FRMPD4: variants seen among roughly 807,000 people sequenced by gnomAD.
FRMPD4 encodes the protein FERM and PDZ domain containing 4.
Under a neutral mutation model 94.1 loss-of-function variants are expected in FRMPD4, and 22 were observed. That is an observed-to-expected ratio of 0.23 (90% CI 0.17 to 0.33). FRMPD4 has a LOEUF of 0.33. FRMPD4 is among the 10% of genes least tolerant of loss of function. FRMPD4 has a pLI of 1.00. For missense variants in FRMPD4, 1,111 were observed against 1,339.9 expected (o/e 0.83, Z 2.67); for synonymous variants, 631 against 548.6 (o/e 1.15, Z -2.10).
At chrX:12,240,286 C>G (rs2057114415) in intron 1 of FRMPD4, among the ~76,000 whole-genome samples, 1 of 112,045 alleles carries the variant, frequency 8.9e-6, no homozygotes, top group Admixed American at 9.5e-5. Context: ...GCTTGAACTT[C>G]GTGGAACTCT....
intron 1 of FRMPD4, among the ~76,000 whole-genome samples, chrX:12,283,740 G>A (rs2054560298): frequency 9.0e-6 from 1 of 110,594 alleles, no homozygotes; most frequent in Admixed American, 9.6e-5. Context: ...CACACATAGA[G>A]CATTTGTGTG....
chrX:12,040,862 T>C (rs1201012395), intron 3 of FRMPD4, among the ~76,000 whole-genome samples: 1 of 111,261 alleles, frequency 9.0e-6, no homozygotes, highest in East Asian at 2.8e-4. Flanking sequence ...TCTGCATCTC[T>C]TTTTGTTGTT....
intron 3 of FRMPD4, among the ~76,000 whole-genome samples, chrX:11,969,710 G>A (rs983963029): frequency 9.0e-6 from 1 of 111,654 alleles, no homozygotes; most frequent in South Asian, 3.8e-4. Flanking sequence ...TTGGGATTAG[G>A]GAGGTACAGG....
Position 12,722,083 on chromosome X carries a change from G to A in FRMPD4, c.*225G>A, listed in dbSNP as rs1471061799. On this transcript the variant is annotated 3_prime_UTR_variant, in exon 17 of 17. Transcript: ENST00000675598. ...ACACGTAAAAGAAATATCCAAGAAA[G>A]TGATGACATTTGGCTATTTTTCATA... 1 of 112,565 alleles carries A rather than the reference G, an allele frequency of 8.9e-6. No individual in the cohort carries two copies. The highest frequency in any genetic ancestry group is 1.9e-5 in the Non-Finnish European group (1 of 54,046). The allele number at this position is 112,565 out of a possible 1,213,427, so 9.3% of individuals were successfully genotyped here.
chrX:12,107,535 C>A (rs1247414130), intron 3 of FRMPD4, among the ~76,000 whole-genome samples: 2 of 112,208 alleles, frequency 1.8e-5, no homozygotes, highest in African/African-American at 6.5e-5. Context: ...AGCAACGGAA[C>A]AAAGTTGGAT....
intron 2 of FRMPD4, among the ~76,000 whole-genome samples, chrX:11,874,119 G>A (rs774510757): frequency 9.3e-4 from 104 of 111,958 alleles, no homozygotes; most frequent in Non-Finnish European, 1.1e-3. Context: ...ACCTTTTTTT[G>A]TGTGTCATTA....
At chrX:12,251,418 G>A (rs913717857) in intron 1 of FRMPD4, among the ~76,000 whole-genome samples, 15 of 112,143 alleles carry the variant, frequency 1.3e-4, no homozygotes, top group South Asian at 3.7e-4. Context: ...CCCCCAGCCC[G>A]TACACACAAA....
intron 4 of FRMPD4, among the ~76,000 whole-genome samples, chrX:12,639,590 A>G (rs1009084476): frequency 1.8e-5 from 2 of 112,457 alleles, no homozygotes; most frequent in Non-Finnish European, 3.8e-5. Context: ...TGGACATCAA[A>G]GAAAGCCTAA....
chrX:11,881,564 A>T (rs1338004606), intron 3 of FRMPD4, among the ~76,000 whole-genome samples: 1 of 112,344 alleles, frequency 8.9e-6, no homozygotes, highest in Non-Finnish European at 1.9e-5. Context: ...TTACTGTACA[A>T]TTCCATTTAT....
intron 3 of FRMPD4, among the ~76,000 whole-genome samples, chrX:11,955,192 A>G (rs1249753299): frequency 9.0e-6 from 1 of 111,156 alleles, no homozygotes; most frequent in Non-Finnish European, 1.9e-5. Context: ...CTGCACTCTC[A>G]TGACCTAACC....
At chrX:12,470,249 T>A (rs1298347835) in intron 1 of FRMPD4, among the ~76,000 whole-genome samples, 1 of 112,187 alleles carries the variant, frequency 8.9e-6, no homozygotes, top group Non-Finnish European at 1.9e-5. Context: ...TGTCTTTCTG[T>A]TCAAACACAA....
At chrX:12,523,091 T>G (rs945676225) in intron 2 of FRMPD4, among the ~76,000 whole-genome samples, 8 of 112,113 alleles carry the variant, frequency 7.1e-5, no homozygotes, top group Non-Finnish European at 1.5e-4. Flanking sequence ...TTTCTTTCAT[T>G]TTCTAAAATT....
intron 2 of FRMPD4, among the ~76,000 whole-genome samples, chrX:12,524,597 A>G (rs2058200675): frequency 8.9e-6 from 1 of 111,909 alleles, no homozygotes; most frequent in African/African-American, 3.2e-5. Flanking sequence ...TTCAAATTAA[A>G]TATCATTAGT....
At chrX:12,631,986 C>G (rs1405475042) in intron 4 of FRMPD4, among the ~76,000 whole-genome samples, 1 of 112,338 alleles carries the variant, frequency 8.9e-6, no homozygotes, top group Non-Finnish European at 1.9e-5. Flanking sequence ...CCACCAACCT[C>G]TAATTTCACA....
intron 1 of FRMPD4, among the ~76,000 whole-genome samples, chrX:11,832,032 C>T (rs1235058332): frequency 9.0e-6 from 1 of 111,610 alleles, no homozygotes; most frequent in Admixed American, 9.5e-5. Flanking sequence ...GCTCAGCTTG[C>T]CCATAGCCCT....
intron 3 of FRMPD4, among the ~76,000 whole-genome samples, chrX:11,989,933 G>A (rs111471441): frequency 0.087 from 9,725 of 111,312 alleles, 355 homozygotes; most frequent in East Asian, 0.23. Context: ...AAAATTACCA[G>A]AATACCCCGT....
Position 12,717,565 on chromosome X carries a change from T to C in FRMPD4, c.2739T>C (p.Ser913=). Residue 913 remains serine (S), a synonymous_variant, in exon 16 of 17, where the codon TCT becomes TCC. Transcript: ENST00000675598. ...CAGACTCGGGCAATGAAACTAACTC[T>C]TCTGAAATGACTGAGAGTTCTGAAC... ...SSSDSGNETN[S]SEMTESSELA... 8.3e-7 allele frequency: 1 copy of C among 1,203,670 alleles called. No individual in the cohort carries two copies. Among genetic ancestry groups the C allele is most frequent in the Non-Finnish European group, 1.1e-6 (1 of 888,240 alleles).
intron 3 of FRMPD4, among the ~76,000 whole-genome samples, chrX:11,886,839 C>T (rs1601822678): frequency 1.8e-5 from 2 of 110,325 alleles, no homozygotes; most frequent in African/African-American, 6.6e-5. Context: ...TGACTCAGAA[C>T]TTTTGTACTA....
At chrX:12,359,815 C>G (rs753101158) in intron 1 of FRMPD4, among the ~76,000 whole-genome samples, 129 of 111,398 alleles carry the variant, frequency 1.2e-3, no homozygotes, top group Non-Finnish European at 2.2e-3. Flanking sequence ...GGGGAGGGAG[C>G]GGTTTTCCTC....
Sources: gnomAD v4.1 joint callset for allele counts (sites outside exome capture counted in the v4.1 genomes callset) on GRCh38, gnomAD v4.1.1 for gene constraint, MANE v1.5 for transcripts, NCBI Gene and HGNC (gene_info 2026-07-23, HGNC 2026-07-21) for gene names.